FNDC3B: variants seen among roughly 807,000 people sequenced by gnomAD.
FNDC3B encodes the protein fibronectin type III domain-containing protein 3B.
A neutral mutation model predicts 151.5 loss-of-function variants in FNDC3B; 12 were observed. The observed-to-expected ratio is 0.08, with a 90% CI of 0.05 to 0.13. FNDC3B has a LOEUF of 0.13. Ranked by LOEUF, FNDC3B falls within the 10% of genes least tolerant of loss-of-function variation. The pLI, the probability that FNDC3B is intolerant of heterozygous loss-of-function variation, is 1.00. For missense variants in FNDC3B, 1,214 were observed against 1,505.3 expected (o/e 0.81, Z 3.20); for synonymous variants, 528 against 549.0 (o/e 0.96, Z 0.54).
intron 23 of FNDC3B, among the ~76,000 whole-genome samples, chr3:172,364,972 T>C (rs1734542822): frequency 6.6e-6 from 1 of 152,196 alleles, no homozygotes. Flanking sequence ...CTCATTCTAT[T>C]TGTGAATAAT....
intron 3 of FNDC3B, among the ~76,000 whole-genome samples, chr3:172,167,304 G>A (rs576412167): frequency 2.6e-5 from 4 of 152,298 alleles, no homozygotes; most frequent in South Asian, 2.1e-4. Context: ...GCTGAGGCAC[G>A]AGAATCGCTT....
At position 172,399,836 on chromosome 3, in the gene FNDC3B, AT is replaced by A. The variant is rs11359449; in HGVS notation, c.*2371del. 152,149 of 152,458 alleles carry A rather than the reference AT, an allele frequency of 1. 75,923 individuals carry two copies. Among genetic ancestry groups the A allele is most frequent in the Middle Eastern group, 1 (294 of 294 alleles). The allele number at this position is 152,458 out of a possible 1,614,324, so 9.4% of individuals were successfully genotyped here. On this transcript the variant is annotated 3_prime_UTR_variant, in exon 26 of 26. Transcript: ENST00000415807. ...ATAAAGAAATTCTCTAATTGGTTGA[AT>A]TTTTTTTTTAAGTAAATAGTACTTT... is the stretch of plus-strand genomic sequence containing the variant.
At chr3:172,082,537 G>A (rs1718334481) in intron 1 of FNDC3B, among the ~76,000 whole-genome samples, 1 of 87,086 alleles carries the variant, frequency 1.1e-5, no homozygotes, top group African/African-American at 3.9e-5. Context: ...AGGACATCTA[G>A]TTCATTCTCC....
At chr3:172,076,711 AG>A (rs759534644) in intron 1 of FNDC3B, among the ~76,000 whole-genome samples, 1 of 152,222 alleles carries the variant, frequency 6.6e-6, no homozygotes, top group Non-Finnish European at 1.5e-5. Context: ...GACTGGTTAA[AG>A]GAAGATTGAA....
chr3:172,199,889 CCA>C, intron 3 of FNDC3B, among the ~76,000 whole-genome samples: 1 of 152,300 alleles, frequency 6.6e-6, no homozygotes, highest in Non-Finnish European at 1.5e-5. Context: ...TCTCCTGCCA[CCA>C]CACAGTTTAC....
chr3:172,253,627 T>C (rs1160746902), intron 6 of FNDC3B, among the ~76,000 whole-genome samples: 1 of 152,222 alleles, frequency 6.6e-6, no homozygotes, highest in Non-Finnish European at 1.5e-5. Flanking sequence ...TTAATACTAG[T>C]ATGATAAACC....
intron 6 of FNDC3B, among the ~76,000 whole-genome samples, chr3:172,256,325 ATAAGT>A (rs989231315): frequency 1.4e-4 from 22 of 152,210 alleles, no homozygotes; most frequent in African/African-American, 4.8e-4. Flanking sequence ...ATGATGGCAG[ATAAGT>A]TAAGGGAAAA....
intron 6 of FNDC3B, 109 bp from the exon 7 acceptor site, chr3:172,285,817 G>A: frequency 1.3e-6 from 1 of 751,996 alleles, no homozygotes; most frequent in Non-Finnish European, 2.3e-6. Flanking sequence ...CATGATAACA[G>A]GCAACTGATT....
intron 11 of FNDC3B, chr3:172,317,035 G>C: frequency 2.6e-6 from 1 of 380,210 alleles, no homozygotes; most frequent in South Asian, 1.9e-5. Context: ...CTTTTTATCA[G>C]GAACCCACTC....
At chr3:172,206,684 A>AAAAAAAAAAAAAAAAAAAAAG (rs1553772985) in intron 3 of FNDC3B, among the ~76,000 whole-genome samples, 1 of 139,454 alleles carries the variant, frequency 7.2e-6, no homozygotes, top group African/African-American at 2.8e-5. Context: ...AAAAAAAAAA[A>AAAAAAAAAAAAAAAAAAAAAG]AAAGTATATT....
At chr3:172,323,370 A>G (rs1298606905) in intron 11 of FNDC3B, among the ~76,000 whole-genome samples, 1 of 152,076 alleles carries the variant, frequency 6.6e-6, no homozygotes, top group Non-Finnish European at 1.5e-5. Flanking sequence ...AAATTTAGCC[A>G]GGTGTGGTGG....
intron 22 of FNDC3B, 38 bp from the exon 23 acceptor site, chr3:172,362,595 A>C: frequency 2.1e-6 from 3 of 1,445,528 alleles, no homozygotes; most frequent in Non-Finnish European, 2.9e-6. Context: ...CTGCTGCTTT[A>C]ACCTGCATTG....
chr3:172,216,993 G>C (rs1726012697), intron 3 of FNDC3B, among the ~76,000 whole-genome samples: 1 of 152,302 alleles, frequency 6.6e-6, no homozygotes, highest in South Asian at 2.1e-4. Context: ...TCCATGCTGA[G>C]ATACACAGAA....
intron 6 of FNDC3B, among the ~76,000 whole-genome samples, chr3:172,254,310 C>T (rs58178713): frequency 0.012 from 1,805 of 152,118 alleles, 41 homozygotes; most frequent in African/African-American, 0.041. Flanking sequence ...TCATGGACTC[C>T]ATTTTAGACC....
intron 4 of FNDC3B, among the ~76,000 whole-genome samples, chr3:172,243,811 T>A (rs1201485571): frequency 6.6e-6 from 1 of 152,214 alleles, no homozygotes; most frequent in Non-Finnish European, 1.5e-5. Context: ...ATGCCCTGTT[T>A]CTAAATACAG....
intron 3 of FNDC3B, among the ~76,000 whole-genome samples, chr3:172,161,604 A>G (rs1038711906): frequency 1.3e-5 from 2 of 152,222 alleles, no homozygotes; most frequent in Non-Finnish European, 1.5e-5. Context: ...AGTTCACTGG[A>G]CACATGCGTG....
intron 6 of FNDC3B, 119 bp from the exon 7 acceptor site, chr3:172,285,807 C>A (rs1337530526): frequency 1.4e-6 from 1 of 714,982 alleles, no homozygotes; most frequent in Non-Finnish European, 2.4e-6. Flanking sequence ...ATCAAAAATT[C>A]ATGATAACAG....
intron 1 of FNDC3B, among the ~76,000 whole-genome samples, chr3:172,074,660 G>GA (rs1002745275): frequency 2.0e-4 from 30 of 152,034 alleles, no homozygotes; most frequent in Non-Finnish European, 3.7e-4. Context: ...TTTAAGGGCT[G>GA]AAAAAAATAA....
At chr3:172,066,480 G>A (rs1038285292) in intron 1 of FNDC3B, among the ~76,000 whole-genome samples, 1 of 152,108 alleles carries the variant, frequency 6.6e-6, no homozygotes, top group African/African-American at 2.4e-5. Flanking sequence ...TAGTTTTGGC[G>A]AAAATGACTA....
Sources: allele counts gnomAD v4.1 joint callset (sites outside exome capture counted in the v4.1 genomes callset), GRCh38; gene constraint gnomAD v4.1.1; transcripts MANE v1.5; gene names NCBI Gene and HGNC (gene_info 2026-07-23, HGNC 2026-07-21).